Variants in TP53BP1 observed in about 807,000 individuals in gnomAD.
TP53BP1 encodes TP53-binding protein 1.
TP53BP1 carries 61 observed loss-of-function variants against 200.8 expected under a neutral mutation model. That is an observed-to-expected ratio of 0.30 (90% confidence interval 0.25 to 0.38). TP53BP1 has a LOEUF of 0.38. Among genes scored for constraint, TP53BP1 ranks in the 10% least tolerant of loss-of-function variants. The pLI is 1.00. For synonymous variants in TP53BP1, 822 were observed against 844.3 expected (o/e 0.97, Z 0.46); for missense variants, 2,144 against 2,371.9 (o/e 0.90, Z 2.00).
At chr15:43,502,078 G>C (rs1460469711) in intron 1 of TP53BP1, among the ~76,000 whole-genome samples, 1 of 152,080 alleles carries the variant, frequency 6.6e-6, no homozygotes, top group Non-Finnish European at 1.5e-5. Context: ...CCAACATTTT[G>C]GGAGGCTGAG....
chr15:43,507,519 T>G (rs2079243809), intron 1 of TP53BP1, among the ~76,000 whole-genome samples: 1 of 152,238 alleles, frequency 6.6e-6, no homozygotes, highest in East Asian at 1.9e-4. Context: ...GAAGGGCCTT[T>G]GAATTGCATC....
At chr15:43,483,471 A>T (rs1358345622) in intron 4 of TP53BP1, among the ~76,000 whole-genome samples, 1 of 152,224 alleles carries the variant, frequency 6.6e-6, no homozygotes, top group Non-Finnish European at 1.5e-5. Context: ...AAAGATGCCA[A>T]AATGTTTACA....
rs1212440700 is a variant in TP53BP1 at position 43,406,900 on chromosome 15, C to CAG, written c.*481_*482dup. ...CCACAGGTGAGCTGTGATCTCAGCT[C>CAG]AGAGAGAGAGCATGAGGTCTTTTTT... On this transcript the variant is annotated 3_prime_UTR_variant, in exon 28 of 28. Transcript: ENST00000382044. 1 of 259,090 alleles carries CAG rather than the reference C, an allele frequency of 3.9e-6. No individual in the cohort carries two copies. The highest frequency in any genetic ancestry group is 4.5e-5 in the South Asian group (1 of 22,176). 16.0% of individuals were successfully genotyped at this position (259,090 alleles called of 1,614,324 possible).
At chr15:43,441,278 G>C (rs975590273) in intron 15 of TP53BP1, 1 of 362,648 alleles carries the variant, frequency 2.8e-6, no homozygotes, top group African/African-American at 2.1e-5. Flanking sequence ...GGGGGGAAAG[G>C]AACTCTCACA....
chr15:43,451,881 T>A (rs1034194479), intron 12 of TP53BP1, among the ~76,000 whole-genome samples: 1 of 152,208 alleles, frequency 6.6e-6, no homozygotes, highest in African/African-American at 2.4e-5. Context: ...ATACCTGTAA[T>A]CCCGGCACTT....
chr15:43,484,485 T>C (rs965219288), intron 4 of TP53BP1, among the ~76,000 whole-genome samples: 8 of 152,172 alleles, frequency 5.3e-5, no homozygotes, highest in African/African-American at 1.9e-4. Flanking sequence ...GATCATGTCC[T>C]TCCCCTGCTC....
chr15:43,453,019 C>T (rs1356880077), intron 12 of TP53BP1, among the ~76,000 whole-genome samples: 1 of 151,704 alleles, frequency 6.6e-6, no homozygotes, highest in African/African-American at 2.4e-5. Flanking sequence ...ACGGTGAAAC[C>T]CCGTCTCTAC....
chr15:43,443,697 C>T (rs999321816), intron 14 of TP53BP1, among the ~76,000 whole-genome samples: 4 of 151,890 alleles, frequency 2.6e-5, no homozygotes, highest in African/African-American at 9.7e-5. Context: ...CCTGTCTCAA[C>T]AACAATAACA....
intron 18 of TP53BP1, among the ~76,000 whole-genome samples, chr15:43,426,687 A>G (rs1217139297): frequency 1.3e-5 from 2 of 151,946 alleles, no homozygotes; most frequent in Non-Finnish European, 2.9e-5. Context: ...AGCAGATAGA[A>G]TTAAAGGAAA....
Position 43,479,452 on chromosome 15 carries a change from C to T in TP53BP1, c.733G>A (p.Ala245Thr). 1.2e-6 allele frequency: 2 copies of T among 1,613,704 alleles called. No homozygotes were observed. Among genetic ancestry groups the T allele is most frequent in the East Asian group, 2.2e-5 (1 of 44,846 alleles). ...ACATGTACATCCTTACTGGGCTGTG[C>T]TGTCACAGGGATGTCCTTGCTGGAC... The part of the protein sequence containing the change: ...EQSSKDIPVT[A>T]QPSKDVHVVK... The change falls in exon 7 of 28, where the codon GCA becomes ACA. Residue 245 changes from alanine to threonine, a missense_variant. By Grantham distance (58) the Ala-to-Thr change is moderately conservative (BLOSUM62 0). Transcript: ENST00000382044.
intron 7 of TP53BP1, 136 bp from the exon 8 acceptor site, chr15:43,477,895 A>T: frequency 1.6e-6 from 1 of 634,588 alleles, no homozygotes; most frequent in South Asian, 2.8e-5. Flanking sequence ...ATTATATATT[A>T]AAAAGGAAAT....
At chr15:43,451,081 C>T (rs571980937) in intron 12 of TP53BP1, among the ~76,000 whole-genome samples, 1 of 152,112 alleles carries the variant, frequency 6.6e-6, no homozygotes, top group Non-Finnish European at 1.5e-5. Flanking sequence ...CTATTAACAA[C>T]AAAAAAGTGC....
At position 43,470,744 on chromosome 15, in the gene TP53BP1, G is replaced by A. The variant is rs1489774695; in HGVS notation, c.1181-678C>T. ...GTAGGCTATCAGGAACTTGCTTGGA[G>A]TCAGCCCAGCTAGCTAAGTATTTGA... On this transcript the variant is annotated intron_variant, in intron 10 of 27. Coordinates refer to ENST00000382044, the MANE Select transcript of TP53BP1 (RefSeq NM_001141980.3). Among the ~76,000 whole-genome samples, 7 of 152,140 alleles carry A rather than the reference G, an allele frequency of 4.6e-5. No homozygotes were observed. The East Asian group carries it at 1.3e-3, about 29-fold the overall frequency.
intron 1 of TP53BP1, among the ~76,000 whole-genome samples, chr15:43,499,023 A>C (rs532466592): frequency 4.6e-5 from 7 of 151,532 alleles, no homozygotes; most frequent in Admixed American, 6.6e-5. Context: ...CAACAACAAA[A>C]AAAAAAAAAC....
intron 21 of TP53BP1, 113 bp downstream of exon 21, chr15:43,420,192 A>T (rs2045362047): frequency 9.5e-7 from 1 of 1,047,892 alleles, no homozygotes; most frequent in African/African-American, 1.6e-5. Flanking sequence ...GAAATTTCTG[A>T]CTTTAGAGAC....
rs201596066 is a variant in TP53BP1 at position 43,491,734 on chromosome 15, G to C, written c.306C>G (p.Asn102Lys). Residue 102 changes from asparagine to lysine, a missense_variant, in exon 4 of 28, where the codon AAC becomes AAG. Coordinates refer to ENST00000382044, the MANE Select transcript of TP53BP1 (RefSeq NM_001141980.3). ...NKVADPVDSSNLDTCGSISQV... is the reference protein window; with the variant it reads ...NKVADPVDSSKLDTCGSISQV... ...GACTGATGGAACCACATGTGTCCAA[G>C]TTAGAAGAATCCACAGGGTCTGAAA... The C allele has an allele frequency of 6.6e-5, 106 of 1,613,864 alleles. No individual in the cohort carries two copies. The highest frequency in any genetic ancestry group is 9.0e-5 in the Non-Finnish European group (106 of 1,179,888).
intron 1 of TP53BP1, among the ~76,000 whole-genome samples, chr15:43,502,144 C>A (rs1174182699): frequency 1.3e-5 from 2 of 151,936 alleles, no homozygotes; most frequent in African/African-American, 2.4e-5. Context: ...TACAGGGAGG[C>A]CTTATCTCTA....
intron 27 of TP53BP1, 21 bp from the exon 28 acceptor site, chr15:43,407,591 T>C: frequency 6.3e-7 from 1 of 1,597,996 alleles, no homozygotes; most frequent in Non-Finnish European, 8.5e-7. Flanking sequence ...CAAGGGAAAG[T>C]GAAGAAGGAA....
chr15:43,455,442 T>C (rs1027524634), intron 12 of TP53BP1, among the ~76,000 whole-genome samples: 7 of 152,172 alleles, frequency 4.6e-5, no homozygotes, highest in Non-Finnish European at 8.8e-5. Context: ...CAATCCAGGT[T>C]GGGCGTGGTG....
Sources: gnomAD v4.1 joint callset for allele counts (sites outside exome capture counted in the v4.1 genomes callset) on GRCh38, gnomAD v4.1.1 for gene constraint, MANE v1.5 for transcripts, NCBI Gene and HGNC (gene_info 2026-07-23, HGNC 2026-07-21) for gene names.